Variants in GRIK2 observed in about 807,000 individuals in gnomAD.
GRIK2 encodes glutamate receptor ionotropic, kainate 2.
GRIK2 carries 32 observed loss-of-function variants against 100.3 expected under a neutral mutation model. That is an observed-to-expected ratio of 0.32 (90% confidence interval 0.24 to 0.43). The LOEUF is 0.43. GRIK2 is among the 20% of genes least tolerant of loss of function. GRIK2 has a pLI of 1.00. For missense variants in GRIK2, 843 were observed against 1,114.9 expected (o/e 0.76, Z 3.47); for synonymous variants, 417 against 389.4 (o/e 1.07, Z -0.83).
intron 15 of GRIK2, among the ~76,000 whole-genome samples, chr6:102,036,836 G>A (rs1770298122): frequency 6.6e-6 from 1 of 151,158 alleles, no homozygotes; most frequent in South Asian, 2.1e-4. Context: ...TTGTACAGAG[G>A]GAAAAAAGTC....
At chr6:101,975,851 C>T (rs1793349249) in intron 14 of GRIK2, among the ~76,000 whole-genome samples, 1 of 151,844 alleles carries the variant, frequency 6.6e-6, no homozygotes, top group Non-Finnish European at 1.5e-5. Context: ...ATCTATCCCT[C>T]CATCCATCCA....
chr6:101,760,652 A>AAT lies in GRIK2; in HGVS notation c.952-38996_952-38995insAT, dbSNP rs1190977352. ...TAATTATATATAATTATATATAATT[A>AAT]TATGTTTAATTATATATAATTATAT... On this transcript the variant is annotated intron_variant, in intron 7 of 16. Transcript: ENST00000369134. 5.7e-5 allele frequency among the ~76,000 whole-genome samples: 5 copies of AAT among 87,292 alleles called. 1 individual carries two copies. Among genetic ancestry groups the AAT allele is most frequent in the African/African-American group, 2.8e-4 (5 of 17,976 alleles). The allele number at this position is 87,292 out of a possible 152,430, so 57.3% of individuals were successfully genotyped here. A position where few individuals can be genotyped will look rare whatever the true frequency, so the allele number is the denominator to read the frequency against.
chr6:101,841,885 T>C (rs1320131667), intron 10 of GRIK2, among the ~76,000 whole-genome samples: 1 of 152,094 alleles, frequency 6.6e-6, no homozygotes, highest in Non-Finnish European at 1.5e-5. Context: ...GGATTTAATA[T>C]CTAACTGAAA....
At chr6:101,955,056 G>T (rs902145812) in intron 14 of GRIK2, among the ~76,000 whole-genome samples, 31 of 151,954 alleles carry the variant, frequency 2.0e-4, no homozygotes, top group African/African-American at 7.5e-4. Context: ...ATCCCACTTG[G>T]TCTTGGTGTA....
intron 14 of GRIK2, among the ~76,000 whole-genome samples, chr6:101,985,033 G>A (rs1459708004): frequency 6.6e-6 from 1 of 151,602 alleles, no homozygotes; most frequent in East Asian, 1.9e-4. Context: ...ACATAACACA[G>A]TGGAAAACTT....
intron 2 of GRIK2, among the ~76,000 whole-genome samples, chr6:101,479,080 G>T (rs1422992320): frequency 6.6e-6 from 1 of 152,086 alleles, no homozygotes; most frequent in Non-Finnish European, 1.5e-5. Context: ...TTGACAGCTT[G>T]TTCTCATTTT....
intron 2 of GRIK2, among the ~76,000 whole-genome samples, chr6:101,584,740 A>G (rs986559240): frequency 1.2e-4 from 19 of 152,118 alleles, no homozygotes; most frequent in South Asian, 4.1e-4. Flanking sequence ...AGAAAACTCA[A>G]AGAGAAAGAG....
chr6:101,943,090 T>G (rs1046651622), intron 14 of GRIK2, among the ~76,000 whole-genome samples: 2 of 152,198 alleles, frequency 1.3e-5, no homozygotes, highest in Non-Finnish European at 2.9e-5. Context: ...CATGGCACCC[T>G]GAGTAGCAGC....
chr6:101,774,893 G>T (rs1319367519), intron 7 of GRIK2, among the ~76,000 whole-genome samples: 1 of 152,030 alleles, frequency 6.6e-6, no homozygotes, highest in African/African-American at 2.4e-5. Flanking sequence ...GAGAAAATAT[G>T]TATGGTAAGT....
At chr6:101,981,576 T>G (rs1793715914) in intron 14 of GRIK2, among the ~76,000 whole-genome samples, 1 of 151,870 alleles carries the variant, frequency 6.6e-6, no homozygotes, top group Admixed American at 6.6e-5. Context: ...TACAGTGGTA[T>G]TAGGAAAAAA....
chr6:102,046,252 T>C (rs34467600), intron 15 of GRIK2, among the ~76,000 whole-genome samples: 12,027 of 152,100 alleles, frequency 0.079, 656 homozygotes, highest in Middle Eastern at 0.18. Flanking sequence ...TACCCCACTT[T>C]TATTAATAGG....
At chr6:101,746,670 C>G (rs1409680379) in intron 7 of GRIK2, among the ~76,000 whole-genome samples, 1 of 152,106 alleles carries the variant, frequency 6.6e-6, no homozygotes, top group Non-Finnish European at 1.5e-5. Context: ...GATTTTGTTA[C>G]CCATTTTCTT....
intron 2 of GRIK2, among the ~76,000 whole-genome samples, chr6:101,484,971 T>G (rs1337519720): frequency 6.6e-6 from 1 of 152,156 alleles, no homozygotes; most frequent in Non-Finnish European, 1.5e-5. Flanking sequence ...GGAATAAGGC[T>G]GCAGAGGCAT....
At chr6:101,410,313 A>T (rs12214708) in intron 2 of GRIK2, among the ~76,000 whole-genome samples, 26,035 of 151,954 alleles carry the variant, frequency 0.17, 2,432 homozygotes, top group East Asian at 0.28. Context: ...ACTATCTTTG[A>T]TCCATTTGTG....
rs1031315656 is a variant in GRIK2 at position 101,676,606 on chromosome 6, T to C, written c.542-17T>C. The C allele has an allele frequency of 4.1e-6, 6 of 1,452,250 alleles. No homozygotes were observed. Among genetic ancestry groups the C allele is most frequent in the East Asian group, 2.4e-5 (1 of 42,324 alleles). 90.0% of individuals were successfully genotyped at this position (1,452,250 alleles called of 1,614,324 possible). A position where few individuals can be genotyped will look rare whatever the true frequency, so the allele number is the denominator to read the frequency against. On this transcript the variant is annotated splice_polypyrimidine_tract_variant and intron_variant, in intron 4 of 16. Transcript: ENST00000369134. ...TTATCTCTAATATTCTTTTTTTTTT[T>C]TCCATTTTAATTAAAGGTCTCATTC...
At chr6:101,476,044 T>A (rs1315059289) in intron 2 of GRIK2, among the ~76,000 whole-genome samples, 1 of 152,098 alleles carries the variant, frequency 6.6e-6, no homozygotes, top group African/African-American at 2.4e-5. Context: ...CTGAAACATT[T>A]CAAATTTTGT....
At chr6:101,936,168 T>C (rs1413717458) in intron 14 of GRIK2, among the ~76,000 whole-genome samples, 1 of 152,080 alleles carries the variant, frequency 6.6e-6, no homozygotes, top group African/African-American at 2.4e-5. Flanking sequence ...ATGGTTAATA[T>C]TGTTAATGAA....
intron 2 of GRIK2, among the ~76,000 whole-genome samples, chr6:101,422,982 G>C (rs1776491712): frequency 6.6e-6 from 1 of 151,976 alleles, no homozygotes; most frequent in Admixed American, 6.6e-5. Flanking sequence ...TGTTCTCTCA[G>C]TTATAATTCA....
rs35632931 is a variant in GRIK2 at position 101,505,776 on chromosome 6, GA to G, written c.115+106400del. On this transcript the variant is annotated intron_variant, in intron 2 of 16. Transcript: ENST00000369134. ...AGACAGAAACTGCTTGAAGAAATTA[GA>G]AAAAAAAAAAAAAAACTAGAAATCA... 6.2e-3 allele frequency among the ~76,000 whole-genome samples: 699 copies of G among 113,288 alleles called. 3 individuals carry two copies. Among genetic ancestry groups the G allele is most frequent in the African/African-American group, 0.014 (452 of 32,932 alleles). 74.3% of individuals were successfully genotyped at this position (113,288 alleles called of 152,430 possible).
Sources: gnomAD v4.1 joint callset for allele counts (sites outside exome capture counted in the v4.1 genomes callset) on GRCh38, gnomAD v4.1.1 for gene constraint, MANE v1.5 for transcripts, NCBI Gene and HGNC (gene_info 2026-07-23, HGNC 2026-07-21) for gene names.